The following FGFR3 variants were observed in gnomAD, a reference collection of about 807,000 sequenced individuals.
The protein encoded by FGFR3 is FGFR-3.
In FGFR3, 25 loss-of-function variants were observed where a neutral mutation model predicts 82.9. The observed-to-expected ratio is 0.30, with a 90% CI of 0.22 to 0.42. The LOEUF (loss-of-function observed/expected upper bound fraction) is 0.42, where lower values mean the gene tolerates loss of function less well. Ranked by LOEUF, FGFR3 falls within the 10% of genes least tolerant of loss-of-function variation. The pLI is 1.00. For synonymous variants in FGFR3, 620 were observed against 516.0 expected (o/e 1.20, Z -2.73); for missense variants, 1,026 against 1,161.0 (o/e 0.88, Z 1.69).
intron 8 of FGFR3, 121 bp downstream of exon 8, chr4:1,803,957 C>T: frequency 8.5e-7 from 1 of 1,172,044 alleles, no homozygotes. Flanking sequence ...TTCTTGAGCC[C>T]TCACTCCTGG....
At chr4:1,803,962 T>C in intron 8 of FGFR3, 126 bp downstream of exon 8, 1 of 1,142,252 alleles carries the variant, frequency 8.8e-7, no homozygotes, top group Non-Finnish European at 1.3e-6. Flanking sequence ...GAGCCCTCAC[T>C]CCTGGCCCTG....
At chr4:1,795,629 C>T (rs1005081272) in intron 2 of FGFR3, among the ~76,000 whole-genome samples, 2 of 152,200 alleles carry the variant, frequency 1.3e-5, no homozygotes, top group African/African-American at 4.8e-5. Flanking sequence ...GGGTCAAGGG[C>T]GGTGGGAAAG....
intron 2 of FGFR3, among the ~76,000 whole-genome samples, chr4:1,795,105 G>A (rs1321948208): frequency 6.6e-6 from 1 of 151,684 alleles, no homozygotes; most frequent in Non-Finnish European, 1.5e-5. Flanking sequence ...GCAGCCTCCC[G>A]GAACAATGTC....
intron 2 of FGFR3, among the ~76,000 whole-genome samples, chr4:1,794,569 C>T (rs1256793929): frequency 6.6e-6 from 1 of 152,208 alleles, no homozygotes; most frequent in African/African-American, 2.4e-5. Context: ...CTGCCCCTGC[C>T]TGGGGGCCGA....
At position 1,807,383 on chromosome 4, in the gene FGFR3, CTGTGTGTG is replaced by C. The variant is rs750480041; in HGVS notation, c.*130_*137del. ...AGAGACAGCTACACAGAGCTTTGGT[CTGTGTGTG>C]TGTGTGTGCGTGTGTGTGTGTGTGT... On this transcript the variant is annotated 3_prime_UTR_variant, in exon 18 of 18. Coordinates refer to ENST00000440486, the MANE Select transcript of FGFR3 (RefSeq NM_000142.5). 10 of 1,223,864 alleles carry C rather than the reference CTGTGTGTG, an allele frequency of 8.2e-6. No homozygotes were observed. The highest frequency in any genetic ancestry group is 9.8e-6 in the Non-Finnish European group (9 of 918,166). The allele number at this position is 1,223,864 out of a possible 1,614,324, so 75.8% of individuals were successfully genotyped here. A position where few individuals can be genotyped will look rare whatever the true frequency, so the allele number is the denominator to read the frequency against.
intron 2 of FGFR3, among the ~76,000 whole-genome samples, chr4:1,795,087 C>T (rs1720320794): frequency 6.6e-6 from 1 of 151,390 alleles, no homozygotes; most frequent in African/African-American, 2.4e-5. Flanking sequence ...CTTTCTCCGT[C>T]GGCGGCTGCA....
chr4:1,806,337 C>G lies in FGFR3; in HGVS notation c.2030+10C>G, dbSNP rs1318518147. ...CTCACCAGAGTGACGTGTACGTGTC[C>G]TGCAGAGCTCAGGCTTCAGGGGTGG... On this transcript the variant is annotated intron_variant, in intron 15 of 17. Transcript: ENST00000440486. 2 of 1,612,882 alleles carry G rather than the reference C, an allele frequency of 1.2e-6. No homozygotes were observed. The highest frequency in any genetic ancestry group is 1.7e-6 in the Non-Finnish European group (2 of 1,179,966).
Position 1,804,939 on chromosome 4 carries a change from C to T in FGFR3, c.1382C>T (p.Ala461Val), listed in dbSNP as rs1721694361. The T allele has an allele frequency of 2.6e-6, 4 of 1,550,130 alleles. No homozygotes were observed. In the East Asian group the frequency reaches 7.3e-5, roughly 28 times the overall value. Reference sequence around the variant, plus strand: ...AATGTCTCCGAGCTCGAGCTGCCTGCCGACCCCAAATGGGAGCTGTCTCGG... The same window carrying T: ...AATGTCTCCGAGCTCGAGCTGCCTGTCGACCCCAAATGGGAGCTGTCTCGG... ...LANVSELELP[A>V]DPKWELSRAR... The change falls in exon 10 of 18, where the codon GCC (alanine) becomes GTC (valine). Residue 461 changes from alanine (A) to valine (V), a missense_variant. Transcript: ENST00000440486.
chr4:1,806,746 G>T (rs113910209), intron 16 of FGFR3, 63 bp downstream of exon 16: 4 of 1,597,982 alleles, frequency 2.5e-6, no homozygotes, highest in Non-Finnish European at 3.4e-6. Flanking sequence ...GGGGCTGGGC[G>T]GGGGAGGGAC....
At chr4:1,799,219 G>T in intron 2 of FGFR3, 35 bp from the exon 3 acceptor site, 1 of 1,611,282 alleles carries the variant, frequency 6.2e-7, no homozygotes, top group Non-Finnish European at 8.5e-7. Flanking sequence ...CGGGTTTGGG[G>T]GTGCCTGCCT....
rs773554802 is a variant in FGFR3 at position 1,807,435 on chromosome 4, C to T, written c.*173C>T. Reference sequence around the variant, plus strand: ...TGTGTGTGTGCACATCCGCGTGTGCCTGTGTGCGTGCGCATCTTGCCTCCA... The same window carrying T: ...TGTGTGTGTGCACATCCGCGTGTGCTTGTGTGCGTGCGCATCTTGCCTCCA... On this transcript the variant is annotated 3_prime_UTR_variant, in exon 18 of 18. Coordinates refer to ENST00000440486, the MANE Select transcript of FGFR3 (RefSeq NM_000142.5). 6 of 1,013,102 alleles carry T rather than the reference C, an allele frequency of 5.9e-6. No individual in the cohort carries two copies. Among genetic ancestry groups the T allele is most frequent in the South Asian group, 5.5e-5 (4 of 73,010 alleles). The allele number at this position is 1,013,102 out of a possible 1,614,324, so 62.8% of individuals were successfully genotyped here.
intron 2 of FGFR3, among the ~76,000 whole-genome samples, chr4:1,794,855 G>A (rs1388054522): frequency 1.3e-5 from 2 of 151,578 alleles, no homozygotes; most frequent in African/African-American, 4.8e-5. Flanking sequence ...AGCTCAGCCC[G>A]GCGGCCGCGC....
Position 1,807,882 on chromosome 4 carries a change from C to A in FGFR3, c.*620C>A. 2.4e-6 allele frequency: 1 copy of A among 422,768 alleles called. No homozygotes were observed. Among genetic ancestry groups the A allele is most frequent in the South Asian group, 2.2e-5 (1 of 44,800 alleles). 26.2% of individuals were successfully genotyped at this position (422,768 alleles called of 1,614,324 possible). A position where few individuals can be genotyped will look rare whatever the true frequency, so the allele number is the denominator to read the frequency against. On this transcript the variant is annotated 3_prime_UTR_variant, in exon 18 of 18. Coordinates refer to ENST00000440486, the MANE Select transcript of FGFR3 (RefSeq NM_000142.5). ...TAGTGTACATTTCTATAAATAGATG[C>A]TGTGTATATGGTATATATACATATA...
intron 2 of FGFR3, among the ~76,000 whole-genome samples, chr4:1,794,866 G>C (rs1391752263): frequency 1.3e-5 from 2 of 151,726 alleles, no homozygotes; most frequent in East Asian, 3.9e-4. Flanking sequence ...GCGGCCGCGC[G>C]GAGGGAGGCC....
chr4:1,804,761 C>T (rs896519540), intron 9 of FGFR3, 63 bp from the exon 10 acceptor site: 39 of 1,545,546 alleles, frequency 2.5e-5, no homozygotes, highest in Non-Finnish European at 3.4e-5. Context: ...GCACTGACCC[C>T]CGGCTGTACC....
At chr4:1,798,172 T>G (rs992355898) in intron 2 of FGFR3, among the ~76,000 whole-genome samples, 1 of 152,010 alleles carries the variant, frequency 6.6e-6, no homozygotes, top group African/African-American at 2.4e-5. Flanking sequence ...GGGCAGCTAC[T>G]GGGGAGGGAC....
rs146970233 is a variant in FGFR3 at position 1,804,360 on chromosome 4, C to A, written c.1106C>A (p.Ala369Glu). 2 of 1,611,522 alleles carry A rather than the reference C, an allele frequency of 1.2e-6. No individual in the cohort carries two copies. ...AEEELVEADEAGSVYAGILSY... is the reference protein window; with the variant it reads ...AEEELVEADEEGSVYAGILSY... The stretch of plus-strand genomic sequence containing the variant: ...GAGGAGCTGGTGGAGGCTGACGAGG[C>A]GGGCAGTGTGTATGCAGGCATCCTC... Residue 369 changes from alanine to glutamate, a missense_variant, in exon 9 of 18, where the codon GCG (alanine) becomes GAG (glutamate). Ala to Glu is a moderately radical substitution (Grantham distance 107, BLOSUM62 -1). This residue lies in a region of FGFR3 where 256 missense variants were observed against 217.6 expected (regional missense o/e 1.18). Transcript: ENST00000440486.
intron 2 of FGFR3, among the ~76,000 whole-genome samples, chr4:1,796,321 C>T (rs1720506214): frequency 6.6e-6 from 1 of 152,158 alleles, no homozygotes; most frequent in African/African-American, 2.4e-5. Flanking sequence ...TTAGCCTGCC[C>T]AGCCTCCAGA....
intron 4 of FGFR3, 129 bp from the exon 5 acceptor site, chr4:1,801,238 C>T (rs539142957): frequency 2.4e-5 from 26 of 1,069,132 alleles, no homozygotes; most frequent in African/African-American, 1.7e-4. Context: ...AACCTCATCC[C>T]GCCCTCTTCC....
Sources: gnomAD v4.1 joint callset for allele counts (sites outside exome capture counted in the v4.1 genomes callset) on GRCh38, gnomAD v4.1.1 for gene constraint, gnomAD v4.1.1 regional missense constraint, MANE v1.5 for transcripts, NCBI Gene and HGNC (gene_info 2026-07-23, HGNC 2026-07-21) for gene names.